MGAM: variants seen among roughly 807,000 people sequenced by gnomAD.
The protein encoded by MGAM is maltase-glucoamylase.
A neutral mutation model predicts 358.8 loss-of-function variants in MGAM; 253 were observed. That is an observed-to-expected ratio of 0.71 (90% CI 0.64 to 0.78). The LOEUF is 0.78. Among genes scored for constraint, MGAM ranks in the 30% least tolerant of loss-of-function variants. The probability of loss-of-function intolerance (pLI) is 0.00; values close to 1 mark genes in which losing one functional copy is unlikely to be tolerated. For missense variants in MGAM, 3,080 were observed against 3,432.6 expected (o/e 0.90, Z 2.57); for synonymous variants, 1,105 against 1,227.1 (o/e 0.90, Z 2.08).
chr7:142,095,828 G>A, intron 64 of MGAM, 115 bp downstream of exon 64: 3 of 1,452,156 alleles, frequency 2.1e-6, no homozygotes, highest in Non-Finnish European at 2.8e-6. Flanking sequence ...GAGCTCTTCA[G>A]GTGCAGACCA....
Position 142,039,103 on chromosome 7 carries a change from CTT to C in MGAM, c.2316+507_2316+508del, listed in dbSNP as rs35054393. 6.8e-3 allele frequency among the ~76,000 whole-genome samples: 805 copies of C among 118,924 alleles called. 7 individuals are homozygous for C. The highest frequency in any genetic ancestry group is 0.026 in the African/African-American group (742 of 28,632). The allele number at this position is 118,924 out of a possible 152,430, so 78.0% of individuals were successfully genotyped here. ...ACGGGGTGGGGGGAGTTGCCACACA[CTT>C]TTTTTTTTTTTTTTTTTTGAGATGG... On this transcript the variant is annotated intron_variant, in intron 19 of 70. Coordinates refer to ENST00000475668, the MANE Select transcript of MGAM (RefSeq NM_001365693.1).
intron 21 of MGAM, among the ~76,000 whole-genome samples, chr7:142,041,938 T>TATTA (rs1491194988): frequency 1.1e-4 from 2 of 18,220 alleles, no homozygotes; most frequent in African/African-American, 3.3e-4. Flanking sequence ...AATATATATA[T>TATTA]TATATATATA....
chr7:142,050,618 G>A, intron 23 of MGAM, 79 bp from the exon 24 acceptor site: 2 of 1,426,882 alleles, frequency 1.4e-6, no homozygotes, highest in Non-Finnish European at 1.9e-6. Context: ...ATCCGGTCTG[G>A]AATGGAATAT....
At position 142,054,898 on chromosome 7, in the gene MGAM, G is replaced by A; in HGVS notation, c.3304G>A (p.Gly1102Ser). The A allele has an allele frequency of 6.2e-7, 1 of 1,613,764 alleles. No individual in the cohort carries two copies. The highest frequency in any genetic ancestry group is 8.5e-7 in the Non-Finnish European group (1 of 1,179,762). Reference sequence around the variant, plus strand: ...GATTGAAATTCGCCGGAAGAGTACAGGCACTATAATGTGAGTGGCTTCTAG... The same window carrying A: ...GATTGAAATTCGCCGGAAGAGTACAAGCACTATAATGTGAGTGGCTTCTAG... ...FGIEIRRKST[G>S]TIIWDSQLLG... is the part of the protein sequence containing the mutation. The change falls in exon 27 of 71, where the codon GGC (glycine) becomes AGC (serine). Residue 1102 changes from glycine to serine, a missense_variant. Around this residue, in one of 5 missense-constraint regions of MGAM, gnomAD observed 1,816 missense variants for 1,840.5 expected, o/e 0.99. Transcript: ENST00000475668.
Position 142,105,781 on chromosome 7 carries a change from G to T in MGAM, c.8185-33G>T, listed in dbSNP as rs752629549. On this transcript the variant is annotated intron_variant, in intron 70 of 70. Coordinates refer to ENST00000475668, the MANE Select transcript of MGAM (RefSeq NM_001365693.1). Reference sequence around the variant, plus strand: ...TTGCATGCAGGAAATTTCAACACCGGATGCCCAATTCTTTTCCTTTGGTTC... The same window carrying T: ...TTGCATGCAGGAAATTTCAACACCGTATGCCCAATTCTTTTCCTTTGGTTC... The T allele has an allele frequency of 7.7e-6, 12 of 1,550,026 alleles. No individual in the cohort carries two copies. The South Asian group carries it at 1.2e-4, about 16-fold the overall frequency.
In MGAM at chr7:142,094,467, G is replaced by A. The variant is rs780949262; in HGVS notation, c.7276G>A (p.Ala2426Thr). 3.5e-5 allele frequency: 54 copies of A among 1,535,850 alleles called. 9 individuals are homozygous for A. The highest frequency in any genetic ancestry group is 2.2e-4 in the Admixed American group (12 of 55,010). The change falls in exon 61 of 71, where the codon GCG becomes ACG. Residue 2426 changes from alanine to threonine, a missense_variant. Ala to Thr is a moderately conservative substitution (Grantham distance 58). Coordinates refer to ENST00000475668, the MANE Select transcript of MGAM (RefSeq NM_001365693.1). Reference sequence around the variant, plus strand: ...ACATTGGCTGGGAGACAACACAGCCGCGTGGGATCAGCTGAAGAAGTCTAT... The same window carrying A: ...ACATTGGCTGGGAGACAACACAGCCACGTGGGATCAGCTGAAGAAGTCTAT... ...AGHWLGDNTAAWDQLKKSIIG... is the reference protein window; with the variant it reads ...AGHWLGDNTATWDQLKKSIIG...
At chr7:142,003,845 A>T (rs781897834) in intron 1 of MGAM, among the ~76,000 whole-genome samples, 2 of 151,834 alleles carry the variant, frequency 1.3e-5, no homozygotes, top group African/African-American at 4.8e-5. Flanking sequence ...TCAACAGGAA[A>T]AAAAACACAT....
chr7:142,034,913 C>A, intron 16 of MGAM, 72 bp downstream of exon 16: 1 of 1,449,748 alleles, frequency 6.9e-7, no homozygotes, highest in South Asian at 1.3e-5. Flanking sequence ...GTTTTCAAAC[C>A]ACAAAGCTCC....
chr7:142,012,496 G>A (rs1226002276), intron 3 of MGAM, among the ~76,000 whole-genome samples: 1 of 152,108 alleles, frequency 6.6e-6, no homozygotes, highest in Non-Finnish European at 1.5e-5. Context: ...GAATTTTGGA[G>A]GGGGCACATT....
intron 31 of MGAM, among the ~76,000 whole-genome samples, chr7:142,058,814 T>C (rs1032414193): frequency 2.6e-5 from 4 of 152,196 alleles, no homozygotes; most frequent in Admixed American, 2.6e-4. Flanking sequence ...AGGACATACA[T>C]ATGGAAAGAA....
intron 19 of MGAM, among the ~76,000 whole-genome samples, chr7:142,039,401 G>A (rs978148414): frequency 1.8e-4 from 27 of 151,882 alleles, no homozygotes; most frequent in African/African-American, 6.0e-4. Context: ...GCGCTTGGCC[G>A]CCACACACTT....
At chr7:142,060,658 G>C (rs1362250128) in intron 34 of MGAM, among the ~76,000 whole-genome samples, 15 of 152,240 alleles carry the variant, frequency 9.9e-5, no homozygotes, top group Admixed American at 9.8e-4. Flanking sequence ...TCAATTCCAA[G>C]GCTGTCAGAT....
At chr7:141,989,085 AGTGT>A (rs141747720) in intron 2 of MGAM, among the ~76,000 whole-genome samples, 45 of 141,350 alleles carry the variant, frequency 3.2e-4, no homozygotes, top group East Asian at 2.7e-3. Flanking sequence ...TGTGCTTGTG[AGTGT>A]GTGTGTGTGT....
intron 21 of MGAM, among the ~76,000 whole-genome samples, chr7:142,045,446 C>A (rs1440881749): frequency 1.6e-3 from 172 of 106,226 alleles, no homozygotes; most frequent in African/African-American, 6.1e-3. Flanking sequence ...ATTATATATA[C>A]CTATAATACA....
chr7:142,005,665 G>C lies in MGAM; in HGVS notation c.127+8G>C, dbSNP rs782303793. 1 of 1,599,752 alleles carries C rather than the reference G, an allele frequency of 6.3e-7. No individual in the cohort carries two copies. Among genetic ancestry groups the C allele is most frequent in the East Asian group, 2.2e-5 (1 of 44,450 alleles). On this transcript the variant is annotated splice_region_variant and intron_variant, in intron 2 of 70. Coordinates refer to ENST00000475668, the MANE Select transcript of MGAM (RefSeq NM_001365693.1). ...AGTCACTGAAATCAACAGGTAAGAA[G>C]TAACTCTGGGGCTCTCTCCATATGT...
At chr7:142,003,267 C>A (rs1346161243) in intron 1 of MGAM, among the ~76,000 whole-genome samples, 1 of 151,904 alleles carries the variant, frequency 6.6e-6, no homozygotes, top group Non-Finnish European at 1.5e-5. Context: ...CCCAAGTAAT[C>A]CAAAGCAAAA....
Position 142,050,678 on chromosome 7 carries a change from G to C in MGAM, c.2638-19G>C, listed in dbSNP as rs1243528827. 9.3e-6 allele frequency: 15 copies of C among 1,608,474 alleles called. No homozygotes were observed. In the Admixed American group the frequency reaches 2.3e-4, roughly 25 times the overall value. ...TACTCATATACCTTTATGCATACTT[G>C]GACTTAATTGTTTTGCAGAACCGCT... is the stretch of plus-strand genomic sequence containing the variant. On this transcript the variant is annotated intron_variant, in intron 23 of 70. Coordinates refer to ENST00000475668, the MANE Select transcript of MGAM (RefSeq NM_001365693.1).
chr7:142,049,219 A>G (rs1810703716), intron 22 of MGAM, among the ~76,000 whole-genome samples: 1 of 151,694 alleles, frequency 6.6e-6, no homozygotes, highest in South Asian at 2.1e-4. Context: ...ATAATATTCT[A>G]TTGTATATAT....
rs1262504167 is a variant in MGAM, at chr7:141,997,311, G to A, written c.-3+1381G>A. ...ATGTCTGTAGGTGTGCAAAGAGGGG[G>A]TGAGATGGAGGGGGTCTTTGGTTTG... On this transcript the variant is annotated intron_variant, in intron 1 of 70. Transcript: ENST00000475668. Among the ~76,000 whole-genome samples the A allele has an allele frequency of 2.6e-5, 4 of 152,140 alleles. No homozygotes were observed. The East Asian group carries it at 7.7e-4, about 29-fold the overall frequency.
Sources: allele counts gnomAD v4.1 joint callset (sites outside exome capture counted in the v4.1 genomes callset), GRCh38; gene constraint gnomAD v4.1.1; regional missense constraint gnomAD v4.1.1; transcripts MANE v1.5; gene names NCBI Gene and HGNC (gene_info 2026-07-23, HGNC 2026-07-21).